The following RIC3 variants were observed in gnomAD, a reference collection of about 807,000 sequenced individuals.
RIC3 encodes the protein RIC3 acetylcholine receptor chaperone.
A neutral mutation model predicts 27.3 loss-of-function variants in RIC3; 28 were observed. The observed-to-expected ratio is 1.02, with a 90% CI of 0.76 to 1.41. The LOEUF is 1.41. RIC3 is among the 40% of genes most tolerant of loss of function. RIC3 has a pLI of 0.00. For missense variants in RIC3, 501 were observed against 444.7 expected (o/e 1.13, Z -1.14); for synonymous variants, 184 against 160.4 (o/e 1.15, Z -1.11).
At chr11:8,095,780 G>GGTT in the RIC3 span, 1 of 1,178,150 alleles carries the variant, frequency 8.5e-7, no homozygotes, top group Non-Finnish European at 1.2e-6. Context: ...GCAATGGTGG[G>GGTT]TGAGGGTGGG....
At chr11:8,144,981 G>T (rs983763223) in intron 1 of RIC3, among the ~76,000 whole-genome samples, 5 of 126,454 alleles carry the variant, frequency 4.0e-5, no homozygotes, top group African/African-American at 1.5e-4. Flanking sequence ...ATTGAACAAT[G>T]AGATCACATG....
chr11:8,117,509 C>T (rs756735956), intron 5 of RIC3, among the ~76,000 whole-genome samples: 20 of 152,128 alleles, frequency 1.3e-4, no homozygotes, highest in Non-Finnish European at 2.4e-4. Context: ...AGGTCAAGCT[C>T]ATTAAGAAAA....
downstream of RIC3, chr11:8,101,947 C>T (rs1564929224): frequency 2.6e-5 from 9 of 344,192 alleles, no homozygotes; most frequent in South Asian, 2.6e-4. Flanking sequence ...CTGGGAAGGC[C>T]GCAAGAGGCA....
chr11:8,162,111 G>A (rs1276418460), intron 1 of RIC3, among the ~76,000 whole-genome samples: 1 of 152,222 alleles, frequency 6.6e-6, no homozygotes, highest in African/African-American at 2.4e-5. Context: ...ACCACCCTGA[G>A]AGGGCAGCCA....
chr11:8,151,326 G>A (rs1323290811), intron 1 of RIC3, among the ~76,000 whole-genome samples: 3 of 152,034 alleles, frequency 2.0e-5, no homozygotes, highest in East Asian at 1.9e-4. Flanking sequence ...GGTGGCTCAC[G>A]CCTGTAATCC....
intron 5 of RIC3, among the ~76,000 whole-genome samples, chr11:8,120,911 C>CGTGA (rs1564985824): frequency 1.7e-4 from 26 of 151,930 alleles, no homozygotes; most frequent in Non-Finnish European, 3.4e-4. Flanking sequence ...TATACCCAGC[C>CGTGA]AAACAATTTG....
downstream of RIC3, chr11:8,101,851 T>TAAAGATACGGCGA: frequency 2.0e-6 from 1 of 491,694 alleles, no homozygotes; most frequent in Non-Finnish European, 3.3e-6. Context: ...AATAATTCTT[T>TAAAGATACGGCGA]CCATGCCACG....
chr11:8,103,085 CT>C (rs1944374156), downstream of RIC3: 1 of 152,238 alleles, frequency 6.6e-6, no homozygotes, highest in Admixed American at 6.5e-5. Flanking sequence ...TGTCTGGCCC[CT>C]CCGCGAGGGC....
the RIC3 span, chr11:8,094,099 G>A: frequency 2.5e-6 from 4 of 1,614,210 alleles, no homozygotes; most frequent in East Asian, 2.2e-5. Flanking sequence ...GCGCCCAACA[G>A]CACCAGCTTC....
intron 1 of RIC3, among the ~76,000 whole-genome samples, chr11:8,165,262 A>G (rs1366702616): frequency 6.6e-6 from 1 of 152,238 alleles, no homozygotes; most frequent in African/African-American, 2.4e-5. Flanking sequence ...AACATTATTC[A>G]TAATAGCTAA....
At chr11:8,094,318 C>T in the RIC3 span, 2 of 1,232,132 alleles carry the variant, frequency 1.6e-6, no homozygotes, top group East Asian at 2.6e-5. Flanking sequence ...CAGACTGCCA[C>T]TCTGGGCACC....
rs148330883 is a variant in RIC3 at position 8,127,005 on chromosome 11, T to C, written c.522-198A>G. The C allele has an allele frequency of 4.9e-3, 3,226 of 656,514 alleles. 79 individuals are homozygous for C. In the Admixed American group the frequency reaches 0.057, roughly 12 times the overall value. The allele number at this position is 656,514 out of a possible 1,614,324, so 40.7% of individuals were successfully genotyped here. On this transcript the variant is annotated intron_variant, in intron 4 of 5. Transcript: ENST00000309737. ...TGCTTTGATTTTATAAATGGGAAAA[T>C]TAAAGCCCAGAATAGATCAAGTGAT... is the stretch of plus-strand genomic sequence containing the variant.
intron 1 of RIC3, among the ~76,000 whole-genome samples, chr11:8,156,421 CCA>C (rs1156961603): frequency 6.6e-6 from 1 of 152,116 alleles, no homozygotes; most frequent in Non-Finnish European, 1.5e-5. Context: ...TATCTACTTT[CCA>C]GAGTTTACAA....
intron 4 of RIC3, among the ~76,000 whole-genome samples, chr11:8,130,937 G>A (rs145979853): frequency 2.0e-5 from 3 of 152,080 alleles, no homozygotes; most frequent in Non-Finnish European, 2.9e-5. Context: ...TCAGGACCAC[G>A]TAAGCTACGT....
chr11:8,159,400 T>C (rs1011151789), intron 1 of RIC3, among the ~76,000 whole-genome samples: 2 of 152,150 alleles, frequency 1.3e-5, no homozygotes, highest in African/African-American at 4.8e-5. Flanking sequence ...TTTTGGGTCA[T>C]GTATAGACTA....
At chr11:8,114,407 C>A (rs1590075227) in intron 5 of RIC3, among the ~76,000 whole-genome samples, 1 of 152,126 alleles carries the variant, frequency 6.6e-6, no homozygotes, top group Non-Finnish European at 1.5e-5. Flanking sequence ...GAGTTCAAAA[C>A]CAACCTGGCC....
At position 8,110,572 on chromosome 11, in the gene RIC3, A is replaced by G; in HGVS notation, c.*126T>C. ...AGGAAGGATACATGATATCCATGATAGTGGCCTGATAGCTATGACACTTGA... is the reference window on the plus strand; with the variant it reads ...AGGAAGGATACATGATATCCATGATGGTGGCCTGATAGCTATGACACTTGA... On this transcript the variant is annotated 3_prime_UTR_variant, in exon 6 of 6. Transcript: ENST00000309737. 2.4e-6 allele frequency: 2 copies of G among 834,548 alleles called. No homozygotes were observed. The highest frequency in any genetic ancestry group is 4.1e-6 in the Non-Finnish European group (2 of 487,132). 51.7% of individuals were successfully genotyped at this position (834,548 alleles called of 1,614,324 possible). A position where few individuals can be genotyped will look rare whatever the true frequency, so the allele number is the denominator to read the frequency against.
chr11:8,147,101 G>C (rs1474294121), intron 1 of RIC3, among the ~76,000 whole-genome samples: 1 of 152,140 alleles, frequency 6.6e-6, no homozygotes, highest in East Asian at 1.9e-4. Context: ...TCAAAAGAAT[G>C]CAACCATTCC....
chr11:8,102,128 A>C (rs1341183686), downstream of RIC3: 1 of 153,388 alleles, frequency 6.5e-6, no homozygotes, highest in Non-Finnish European at 1.5e-5. Context: ...CCTGGCCCTT[A>C]AACAACTGCA....
Sources: allele counts gnomAD v4.1 joint callset (sites outside exome capture counted in the v4.1 genomes callset), GRCh38; gene constraint gnomAD v4.1.1; transcripts MANE v1.5; gene names NCBI Gene and HGNC (gene_info 2026-07-23, HGNC 2026-07-21).